Variants in WDR41 observed in about 807,000 individuals in gnomAD.
WDR41 encodes WD repeat-containing protein 41.
A neutral mutation model predicts 69.3 loss-of-function variants in WDR41; 63 were observed. The ratio of observed to expected loss-of-function variants is 0.91; its 90% CI spans 0.74 to 1.12. The LOEUF (loss-of-function observed/expected upper bound fraction) is 1.12, where lower values mean the gene tolerates loss of function less well. Among genes scored for constraint, WDR41 ranks in the 50% most tolerant of loss-of-function variants. The pLI, the probability that WDR41 is intolerant of heterozygous loss-of-function variation, is 0.00. For synonymous variants in WDR41, 185 were observed against 192.1 expected (o/e 0.96, Z 0.31); for missense variants, 543 against 534.5 (o/e 1.02, Z -0.16).
chr5:77,456,722 G>A (rs1439847573), intron 5 of WDR41, among the ~76,000 whole-genome samples: 3 of 151,644 alleles, frequency 2.0e-5, no homozygotes, highest in South Asian at 2.1e-4. Flanking sequence ...TTTTTTTTGA[G>A]ACAGGGTCTT....
intron 1 of WDR41, chr5:77,546,238 C>A: frequency 2.6e-6 from 1 of 389,780 alleles, no homozygotes; most frequent in East Asian, 3.9e-5. Flanking sequence ...GTGCAAAGGA[C>A]CCAGGCTCCA....
chr5:77,476,277 A>T lies in WDR41; in HGVS notation c.168-11468T>A, dbSNP rs575281320. Reference sequence around the variant, plus strand: ...GGATATTATACAGGAGAACTTCCCCAATCTAGCAAGGCAGGCCAACATTCA... The same window carrying T: ...GGATATTATACAGGAGAACTTCCCCTATCTAGCAAGGCAGGCCAACATTCA... On this transcript the variant is annotated intron_variant, in intron 2 of 12. Transcript: ENST00000296679. 3.3e-5 allele frequency among the ~76,000 whole-genome samples: 5 copies of T among 152,152 alleles called. No homozygotes were observed. The South Asian group carries it at 8.3e-4, about 25-fold the overall frequency.
At chr5:77,497,005 T>C (rs755047851), upstream of WDR41, among the ~76,000 whole-genome samples, 3 of 152,174 alleles carry the variant, frequency 2.0e-5, no homozygotes, top group Non-Finnish European at 4.4e-5. Flanking sequence ...GAAAGGACAG[T>C]CTTTTCAACA....
intron 1 of WDR41, among the ~76,000 whole-genome samples, chr5:77,575,681 T>C (rs1386089096): frequency 6.6e-6 from 1 of 152,238 alleles, no homozygotes; most frequent in Non-Finnish European, 1.5e-5. Context: ...ACCCCCAGCA[T>C]ACAGGAAAAA....
intron 1 of WDR41, among the ~76,000 whole-genome samples, chr5:77,607,608 A>G (rs1744447434): frequency 1.3e-5 from 2 of 152,258 alleles, no homozygotes; most frequent in African/African-American, 4.8e-5. Context: ...TGATTCTTCT[A>G]GATATGTCAT....
chr5:77,517,016 CA>C (rs11286686), intron 1 of WDR41, among the ~76,000 whole-genome samples: 31,886 of 112,716 alleles, frequency 0.28, 5,530 homozygotes, highest in African/African-American at 0.53. Flanking sequence ...ACTCCATCTC[CA>C]AAAAAAAAAA....
intron 1 of WDR41, among the ~76,000 whole-genome samples, chr5:77,578,951 T>G (rs963796787): frequency 2.0e-5 from 3 of 147,016 alleles, no homozygotes; most frequent in African/African-American, 7.5e-5. Flanking sequence ...AGATAGAAAC[T>G]ATAAAAAAGA....
At chr5:77,594,350 C>A (rs980563541) in intron 1 of WDR41, among the ~76,000 whole-genome samples, 1 of 151,406 alleles carries the variant, frequency 6.6e-6, no homozygotes, top group African/African-American at 2.4e-5. Flanking sequence ...ACCAACATAG[C>A]ACATGTATAC....
intron 1 of WDR41, among the ~76,000 whole-genome samples, chr5:77,501,150 G>T (rs1802012772): frequency 6.6e-6 from 1 of 152,252 alleles, no homozygotes; most frequent in Non-Finnish European, 1.5e-5. Flanking sequence ...ACTGTACCTG[G>T]AAAAACAGGA....
chr5:77,448,424 A>G (rs1799471680), intron 8 of WDR41, among the ~76,000 whole-genome samples: 1 of 152,124 alleles, frequency 6.6e-6, no homozygotes, highest in Non-Finnish European at 1.5e-5. Flanking sequence ...TTACAATAAG[A>G]TGGCTATTTG....
intron 2 of WDR41, among the ~76,000 whole-genome samples, chr5:77,482,072 T>G (rs1801298115): frequency 2.6e-5 from 4 of 152,230 alleles, no homozygotes; most frequent in Admixed American, 2.6e-4. Flanking sequence ...ACGGAGAATT[T>G]AAATATATAC....
chr5:77,559,505 T>A (rs1298753933), intron 1 of WDR41, among the ~76,000 whole-genome samples: 1 of 152,038 alleles, frequency 6.6e-6, no homozygotes, highest in Non-Finnish European at 1.5e-5. Flanking sequence ...TACTACCCAA[T>A]CCAGTACAAC....
chr5:77,441,739 A>AAC (rs112452862), intron 8 of WDR41, among the ~76,000 whole-genome samples: 27,294 of 150,324 alleles, frequency 0.18, 3,509 homozygotes, highest in East Asian at 0.37. Context: ...CTCAGTCTAA[A>AAC]ACACACACAC....
Position 77,433,295 on chromosome 5 carries a change from GAAA to G in WDR41, c.1228-11_1228-9del. ...TTCAAAGTATAGAAACATCTGTAAA[GAAA>G]ATTAAAACTGATTATAGGGACCCCG... On this transcript the variant is annotated splice_polypyrimidine_tract_variant and intron_variant, in intron 12 of 12. Coordinates refer to ENST00000296679, the MANE Select transcript of WDR41 (RefSeq NM_018268.4). 6.2e-7 allele frequency: 1 copy of G among 1,607,812 alleles called. No homozygotes were observed.
chr5:77,433,131 T>G lies in WDR41; in HGVS notation c.*4A>C. On this transcript the variant is annotated 3_prime_UTR_variant, in exon 13 of 13. Coordinates refer to ENST00000296679, the MANE Select transcript of WDR41 (RefSeq NM_018268.4). The stretch of plus-strand genomic sequence containing the variant: ...TCATGCATGTGTATTTTTAATTCCT[T>G]AAACTAGACAGCAAGGTATAAGTCA... 6.2e-7 allele frequency: 1 copy of G among 1,609,020 alleles called. No individual in the cohort carries two copies. The highest frequency in any genetic ancestry group is 8.5e-7 in the Non-Finnish European group (1 of 1,178,152).
At chr5:77,525,036 C>A (rs1334111208) in intron 1 of WDR41, among the ~76,000 whole-genome samples, 1 of 152,308 alleles carries the variant, frequency 6.6e-6, no homozygotes, top group East Asian at 1.9e-4. Flanking sequence ...CCTCCTGCAC[C>A]CTCAGCCCTA....
At chr5:77,536,004 C>T (rs916395609) in intron 1 of WDR41, among the ~76,000 whole-genome samples, 1 of 152,100 alleles carries the variant, frequency 6.6e-6, no homozygotes, top group African/African-American at 2.4e-5. Flanking sequence ...GAACTTTGGT[C>T]ATCAAAGTCT....
At chr5:77,554,702 G>C (rs1743360020) in intron 1 of WDR41, among the ~76,000 whole-genome samples, 1 of 151,556 alleles carries the variant, frequency 6.6e-6, no homozygotes, top group Non-Finnish European at 1.5e-5. Flanking sequence ...TTTTGTTATA[G>C]CAACACAAAT....
intron 2 of WDR41, among the ~76,000 whole-genome samples, chr5:77,482,308 T>C (rs547010467): frequency 2.5e-3 from 387 of 152,362 alleles, no homozygotes; most frequent in African/African-American, 8.8e-3. Flanking sequence ...ACTTCCTTAA[T>C]GTCATCAAAT....
Sources: gnomAD v4.1 joint callset for allele counts (sites outside exome capture counted in the v4.1 genomes callset) on GRCh38, gnomAD v4.1.1 for gene constraint, MANE v1.5 for transcripts, NCBI Gene and HGNC (gene_info 2026-07-23, HGNC 2026-07-21) for gene names.